Variants in CALN1 observed in about 807,000 individuals in gnomAD.
CALN1 encodes the protein calneuron 1, also known as calcium-binding protein 8.
Under a neutral mutation model 30.6 loss-of-function variants are expected in CALN1, and 17 were observed. The ratio of observed to expected loss-of-function variants is 0.56; its 90% CI spans 0.38 to 0.83. The LOEUF (loss-of-function observed/expected upper bound fraction) is 0.83, where lower values mean the gene tolerates loss of function less well. Among genes scored for constraint, CALN1 ranks in the 40% least tolerant of loss-of-function variants. The pLI is 0.00. For missense variants in CALN1, 291 were observed against 354.9 expected (o/e 0.82, Z 1.45); for synonymous variants, 156 against 131.4 (o/e 1.19, Z -1.28).
the CALN1 span, among the ~76,000 whole-genome samples, chr7:72,481,035 C>A: frequency 6.6e-6 from 1 of 152,274 alleles, no homozygotes; most frequent in East Asian, 1.9e-4. Flanking sequence ...TCCCTGTGAC[C>A]TCCGCTTCCC....
intron 2 of CALN1, among the ~76,000 whole-genome samples, chr7:72,348,566 A>G (rs1333237094): frequency 6.6e-6 from 1 of 152,242 alleles, no homozygotes; most frequent in Non-Finnish European, 1.5e-5. Context: ...CTAGGCAGAG[A>G]ACAGTTAGTG....
At chr7:72,135,161 C>A (rs1010119806) in intron 3 of CALN1, among the ~76,000 whole-genome samples, 2 of 152,188 alleles carry the variant, frequency 1.3e-5, no homozygotes, top group African/African-American at 4.8e-5. Flanking sequence ...AAGTCTTGAA[C>A]CCCTCAACAT....
chr7:71,946,265 G>A (rs945672724), intron 5 of CALN1, among the ~76,000 whole-genome samples: 4 of 151,922 alleles, frequency 2.6e-5, no homozygotes, highest in African/African-American at 9.7e-5. Flanking sequence ...TGTTTCCCAA[G>A]ACCCTGAGTA....
At chr7:72,253,690 G>T (rs1795718624) in intron 3 of CALN1, among the ~76,000 whole-genome samples, 1 of 152,154 alleles carries the variant, frequency 6.6e-6, no homozygotes, top group African/African-American at 2.4e-5. Flanking sequence ...CTGGACATGT[G>T]GGGATTACAA....
At chr7:72,417,793 G>A (rs923948115) in intron 1 of CALN1, among the ~76,000 whole-genome samples, 1 of 151,970 alleles carries the variant, frequency 6.6e-6, no homozygotes, top group African/African-American at 2.4e-5. Flanking sequence ...TGAGGTAATC[G>A]GTGCCATGCT....
At chr7:72,111,602 C>T (rs1391341280) in intron 3 of CALN1, among the ~76,000 whole-genome samples, 2 of 151,894 alleles carry the variant, frequency 1.3e-5, no homozygotes, top group South Asian at 4.2e-4. Context: ...CCACCATGCT[C>T]GACTAATTTT....
intron 3 of CALN1, among the ~76,000 whole-genome samples, chr7:72,203,063 C>T (rs937826818): frequency 5.9e-5 from 9 of 152,088 alleles, no homozygotes; most frequent in Non-Finnish European, 8.8e-5. Context: ...GGAAACCATC[C>T]TTCTCAGCCA....
chr7:72,378,019 A>C (rs1804670449), intron 2 of CALN1, among the ~76,000 whole-genome samples: 1 of 151,138 alleles, frequency 6.6e-6, no homozygotes, highest in African/African-American at 2.4e-5. Flanking sequence ...ATTCGTCCTG[A>C]ACTTTTTGAT....
intron 4 of CALN1, among the ~76,000 whole-genome samples, chr7:72,029,404 G>T (rs758476900): frequency 6.6e-6 from 1 of 152,086 alleles, no homozygotes. Flanking sequence ...GTGAGCCACC[G>T]TGCCTGGCCA....
intron 4 of CALN1, among the ~76,000 whole-genome samples, chr7:72,068,555 T>G (rs1406832638): frequency 1.3e-5 from 2 of 152,186 alleles, no homozygotes; most frequent in African/African-American, 4.8e-5. Flanking sequence ...TGGCGAGATC[T>G]CAGCTCACTG....
rs555592166 is a variant in CALN1, at chr7:71,854,044, A to C, written c.502-43552T>G. Among the ~76,000 whole-genome samples, 67 of 152,036 alleles carry C rather than the reference A, an allele frequency of 4.4e-4. 1 individual carries two copies. Among genetic ancestry groups the C allele is most frequent in the South Asian group, 2.7e-3 (13 of 4,822 alleles). ...TTTGGGACTATGATCAGCCTAAATTAATTTGTGTGTGTGTGTGTGTAGGGT... is the reference window on the plus strand; with the variant it reads ...TTTGGGACTATGATCAGCCTAAATTCATTTGTGTGTGTGTGTGTGTAGGGT... On this transcript the variant is annotated intron_variant, in intron 5 of 6. Coordinates refer to ENST00000395275, the MANE Select transcript of CALN1 (RefSeq NM_031468.4).
rs181299117 is a variant in CALN1 at position 71,923,722 on chromosome 7, C to T, written c.501+99935G>A. On this transcript the variant is annotated intron_variant, in intron 5 of 6. Transcript: ENST00000395275. ...TTACAAAAAGTCAGAAAGTGCCCTC[C>T]TAAGGATGCTCATATCCTTCCTGGA... 2.7e-3 allele frequency among the ~76,000 whole-genome samples: 410 copies of T among 152,240 alleles called. 2 individuals are homozygous for T. The highest frequency in any genetic ancestry group is 3.5e-3 in the African/African-American group (145 of 41,552).
intron 5 of CALN1, among the ~76,000 whole-genome samples, chr7:71,925,134 G>A (rs1019907507): frequency 1.4e-4 from 21 of 152,020 alleles, no homozygotes; most frequent in Admixed American, 6.6e-4. Context: ...CTAGCTACTC[G>A]GGAAGCTGAA....
intron 4 of CALN1, among the ~76,000 whole-genome samples, chr7:72,051,241 C>T (rs1475393341): frequency 6.6e-6 from 1 of 151,542 alleles, no homozygotes; most frequent in African/African-American, 2.4e-5. Context: ...ATTGACAAAT[C>T]GAATCCAGAA....
intron 3 of CALN1, among the ~76,000 whole-genome samples, chr7:72,163,881 T>C (rs1205452623): frequency 1.3e-5 from 2 of 152,020 alleles, no homozygotes; most frequent in Non-Finnish European, 2.9e-5. Context: ...CAAGTGAAGA[T>C]TTCCCAGGCT....
the CALN1 span, among the ~76,000 whole-genome samples, chr7:72,499,177 C>G: frequency 6.6e-6 from 1 of 151,946 alleles, no homozygotes. Flanking sequence ...ATTACAGGAA[C>G]CTGCCACCAC....
At chr7:72,184,517 C>G (rs996584816) in intron 3 of CALN1, among the ~76,000 whole-genome samples, 1 of 152,156 alleles carries the variant, frequency 6.6e-6, no homozygotes, top group African/African-American at 2.4e-5. Flanking sequence ...ACAGTTCTGG[C>G]ACATAGGAAG....
At position 71,786,755 on chromosome 7, in the gene CALN1, TC is replaced by T. The variant is rs1278800243; in HGVS notation, c.*1019del. 6.6e-6 allele frequency: 1 copy of T among 152,118 alleles called. No homozygotes were observed. Among genetic ancestry groups the T allele is most frequent in the African/African-American group, 2.4e-5 (1 of 41,430 alleles). 9.4% of individuals were successfully genotyped at this position (152,118 alleles called of 1,614,324 possible). A position where few individuals can be genotyped will look rare whatever the true frequency, so the allele number is the denominator to read the frequency against. On this transcript the variant is annotated 3_prime_UTR_variant, in exon 7 of 7. Coordinates refer to ENST00000395275, the MANE Select transcript of CALN1 (RefSeq NM_031468.4). ...CAAGGACCTTAACTTACAAAGGTCA[TC>T]CGGCATAGAGACGTGGTGGGTCTCC...
At chr7:72,430,637 G>C (rs1352774605) in intron 1 of CALN1, among the ~76,000 whole-genome samples, 1 of 152,132 alleles carries the variant, frequency 6.6e-6, no homozygotes, top group Non-Finnish European at 1.5e-5. Context: ...ACCACCTGTA[G>C]GGCGCATGCA....
Sources: allele counts gnomAD v4.1 joint callset (sites outside exome capture counted in the v4.1 genomes callset), GRCh38; gene constraint gnomAD v4.1.1; transcripts MANE v1.5; gene names NCBI Gene and HGNC (gene_info 2026-07-23, HGNC 2026-07-21).